Variants in PCMTD1 observed in about 807,000 individuals in gnomAD.
PCMTD1 encodes protein-L-isoaspartate O-methyltransferase domain-containing protein 1.
A neutral mutation model predicts 37.6 loss-of-function variants in PCMTD1; 12 were observed. That is an observed-to-expected ratio of 0.32 (90% CI 0.20 to 0.52). The LOEUF is 0.52. Ranked by LOEUF, PCMTD1 falls within the 20% of genes least tolerant of loss-of-function variation. The pLI is 0.97. For synonymous variants in PCMTD1, 117 were observed against 135.8 expected (o/e 0.86, Z 0.96); for missense variants, 235 against 421.3 (o/e 0.56, Z 3.87).
chr8:51,862,207 C>T (rs771190971), intron 1 of PCMTD1, among the ~76,000 whole-genome samples: 2 of 152,150 alleles, frequency 1.3e-5, no homozygotes, highest in Non-Finnish European at 2.9e-5. Context: ...AAACACTGAA[C>T]ATAAAATGCA....
Position 51,861,263 on chromosome 8 carries a change from A to G in PCMTD1, c.-95-17T>C. 1 of 1,427,648 alleles carries G rather than the reference A, an allele frequency of 7.0e-7. No individual in the cohort carries two copies. The allele number at this position is 1,427,648 out of a possible 1,614,324, so 88.4% of individuals were successfully genotyped here. A position where few individuals can be genotyped will look rare whatever the true frequency, so the allele number is the denominator to read the frequency against. On this transcript the variant is annotated splice_polypyrimidine_tract_variant and intron_variant, in intron 1 of 5. Coordinates refer to ENST00000522514, the MANE Select transcript of PCMTD1 (RefSeq NM_052937.4). Reference sequence around the variant, plus strand: ...AAATTAATCCTGGAAGGGAAGAACAAAAATAAACAGGTTTAAATTAATGCT... The same window carrying G: ...AAATTAATCCTGGAAGGGAAGAACAGAAATAAACAGGTTTAAATTAATGCT...
At chr8:51,838,654 A>T (rs2038101460) in intron 3 of PCMTD1, among the ~76,000 whole-genome samples, 1 of 152,148 alleles carries the variant, frequency 6.6e-6, no homozygotes, top group African/African-American at 2.4e-5. Context: ...AAAAAAATAA[A>T]CATTTTTCCT....
intron 2 of PCMTD1, 95 bp downstream of exon 2, chr8:51,860,750 A>T: frequency 9.4e-7 from 1 of 1,062,092 alleles, no homozygotes; most frequent in Non-Finnish European, 1.3e-6. Flanking sequence ...ACACATTCAA[A>T]CATACTGTAC....
At chr8:51,892,839 T>C (rs2038954109) in intron 1 of PCMTD1, among the ~76,000 whole-genome samples, 2 of 146,924 alleles carry the variant, frequency 1.4e-5, no homozygotes, top group East Asian at 2.0e-4. Context: ...TATTTCATTG[T>C]ACATACAAAT....
intron 1 of PCMTD1, among the ~76,000 whole-genome samples, chr8:51,862,154 A>G (rs775775947): frequency 3.9e-5 from 6 of 152,106 alleles, no homozygotes; most frequent in Non-Finnish European, 8.8e-5. Context: ...AAAATGCACT[A>G]CATAAATTTA....
At chr8:51,883,932 A>C (rs1206905627) in intron 1 of PCMTD1, among the ~76,000 whole-genome samples, 3 of 152,262 alleles carry the variant, frequency 2.0e-5, no homozygotes, top group Non-Finnish European at 4.4e-5. Context: ...TTGTGAAAGC[A>C]GGTCAACAGA....
At chr8:51,830,605 C>T (rs919815628) in intron 5 of PCMTD1, among the ~76,000 whole-genome samples, 2 of 152,168 alleles carry the variant, frequency 1.3e-5, no homozygotes, top group African/African-American at 4.8e-5. Flanking sequence ...ACTGGCCTGC[C>T]TGCCTTTTTT....
At chr8:51,862,994 C>G (rs117424837) in intron 1 of PCMTD1, among the ~76,000 whole-genome samples, 102 of 151,344 alleles carry the variant, frequency 6.7e-4, no homozygotes, top group Admixed American at 1.3e-3. Flanking sequence ...TGTGGCATCT[C>G]AACTTGCTGA....
chr8:51,886,848 C>T (rs4873207), intron 1 of PCMTD1, among the ~76,000 whole-genome samples: 104,579 of 152,122 alleles, frequency 0.69, 42,402 homozygotes, highest in Non-Finnish European at 0.9. Context: ...CTGACACAGG[C>T]TTCATGATAC....
intron 2 of PCMTD1, among the ~76,000 whole-genome samples, chr8:51,859,765 G>C (rs2038444483): frequency 6.6e-6 from 1 of 152,242 alleles, no homozygotes; most frequent in South Asian, 2.1e-4. Context: ...CACCCTACTA[G>C]AGGATATGTC....
chr8:51,826,909 T>C, intron 5 of PCMTD1: 1 of 882,548 alleles, frequency 1.1e-6, no homozygotes, highest in Non-Finnish European at 1.4e-6. Context: ...TAGTGGTGAA[T>C]CAAGATGAAA....
chr8:51,865,206 A>G (rs533056901), intron 1 of PCMTD1, among the ~76,000 whole-genome samples: 1 of 152,256 alleles, frequency 6.6e-6, no homozygotes, highest in African/African-American at 2.4e-5. Flanking sequence ...CCATCAAAGA[A>G]AAGCTCAGCA....
At chr8:51,845,506 C>A in intron 3 of PCMTD1, 155 bp downstream of exon 3, 1 of 517,920 alleles carries the variant, frequency 1.9e-6, no homozygotes. Context: ...AAAGTTATAC[C>A]ACAGAATAAT....
intron 1 of PCMTD1, among the ~76,000 whole-genome samples, chr8:51,894,205 A>G (rs559554019): frequency 1.3e-5 from 2 of 152,366 alleles, no homozygotes; most frequent in South Asian, 2.1e-4. Context: ...ATGGAAATGC[A>G]TAAGAAATCA....
chr8:51,865,893 C>A (rs1184629984), intron 1 of PCMTD1, among the ~76,000 whole-genome samples: 1 of 151,348 alleles, frequency 6.6e-6, no homozygotes, highest in African/African-American at 2.4e-5. Flanking sequence ...TAACTGATAA[C>A]ATAATCTTAT....
At chr8:51,855,665 GT>G (rs762007282) in intron 2 of PCMTD1, among the ~76,000 whole-genome samples, 3 of 151,712 alleles carry the variant, frequency 2.0e-5, no homozygotes, top group African/African-American at 7.3e-5. Context: ...TGCAGAATGT[GT>G]TTTTTGTTTT....
chr8:51,862,702 G>A (rs537538304), intron 1 of PCMTD1, among the ~76,000 whole-genome samples: 5 of 152,244 alleles, frequency 3.3e-5, no homozygotes, highest in East Asian at 3.9e-4. Flanking sequence ...CTGGCACCAC[G>A]AGGGCAGCTC....
intron 2 of PCMTD1, among the ~76,000 whole-genome samples, chr8:51,859,517 G>A (rs553198410): frequency 2.0e-4 from 31 of 152,240 alleles, no homozygotes; most frequent in African/African-American, 5.8e-4. Flanking sequence ...CGGAATGAAA[G>A]GCTTCCATCC....
At chr8:51,869,021 A>C (rs1013760017) in intron 1 of PCMTD1, among the ~76,000 whole-genome samples, 8 of 152,136 alleles carry the variant, frequency 5.3e-5, no homozygotes, top group African/African-American at 1.9e-4. Flanking sequence ...TTCCAAATCC[A>C]GAAGTATGAT....
Sources: gnomAD v4.1 joint callset for allele counts (sites outside exome capture counted in the v4.1 genomes callset) on GRCh38, gnomAD v4.1.1 for gene constraint, MANE v1.5 for transcripts, NCBI Gene and HGNC (gene_info 2026-07-23, HGNC 2026-07-21) for gene names.